USP8: variants seen among roughly 807,000 people sequenced by gnomAD.
USP8 encodes the protein ubiquitin specific peptidase 8, also known as ubiquitin carboxyl-terminal hydrolase 8.
In USP8, 27 loss-of-function variants were observed where a neutral mutation model predicts 130.0. The observed-to-expected ratio is 0.21, with a 90% CI of 0.15 to 0.29. The LOEUF (loss-of-function observed/expected upper bound fraction) is 0.29. Among genes scored for constraint, USP8 ranks in the 10% least tolerant of loss-of-function variants. The pLI, the probability that USP8 is intolerant of heterozygous loss-of-function variation, is 1.00. For missense variants in USP8, 1,029 were observed against 1,312.2 expected, an observed-to-expected ratio of 0.78 and a Z score of 3.33; for synonymous variants, 392 against 444.1, an observed-to-expected ratio of 0.88 and a Z score of 1.48.
intron 1 of USP8, 45 bp from the exon 2 acceptor site, chr15:50,438,964 A>T (rs1362776919): frequency 2.5e-6 from 2 of 794,390 alleles, no homozygotes; most frequent in Non-Finnish European, 4.0e-6. Context: ...CACTTGTTTT[A>T]TTGTGAATGA....
At chr15:50,460,737 C>T (rs771390438) in intron 5 of USP8, among the ~76,000 whole-genome samples, 15 of 152,208 alleles carry the variant, frequency 9.9e-5, no homozygotes, top group Non-Finnish European at 2.1e-4. Flanking sequence ...TCCTTTACCT[C>T]CTCAGAAACT....
At chr15:50,426,913 A>AGAATCAGGTAC in intron 1 of USP8, 1 of 151,984 alleles carries the variant, frequency 6.6e-6, no homozygotes, top group South Asian at 2.1e-4. Context: ...TAGCAGATGA[A>AGAATCAGGTAC]GAATCAGGTA....
At chr15:50,453,965 G>A (rs967930978) in intron 4 of USP8, among the ~76,000 whole-genome samples, 6 of 144,594 alleles carry the variant, frequency 4.1e-5, no homozygotes, top group Non-Finnish European at 7.5e-5. Flanking sequence ...AGGTTCAAGC[G>A]ATCCTCCCAC....
chr15:50,495,539 C>T (rs1178421099), intron 16 of USP8, among the ~76,000 whole-genome samples: 1 of 151,582 alleles, frequency 6.6e-6, no homozygotes, highest in Non-Finnish European at 1.5e-5. Flanking sequence ...TGGCCCCAAG[C>T]AGTCCTCCTG....
intron 6 of USP8, among the ~76,000 whole-genome samples, chr15:50,464,786 G>A (rs2141284626): frequency 6.6e-6 from 1 of 152,258 alleles, no homozygotes; most frequent in Non-Finnish European, 1.5e-5. Flanking sequence ...CCTGGGAGGT[G>A]GAGGTTGCAG....
rs768482942 is a variant in USP8 at position 50,449,456 on chromosome 15, T to C, written c.306T>C (p.Ala102=). 6.3e-7 allele frequency: 1 copy of C among 1,596,192 alleles called. No individual in the cohort carries two copies. The highest frequency in any genetic ancestry group is 1.1e-5 in the South Asian group (1 of 87,506). Reference sequence around the variant, plus strand: ...ACATCAAAAAAGCTGTCGAAGAAGCTGAAAGACTCTCTGAAAGCCTTAAAT... The same window carrying C: ...ACATCAAAAAAGCTGTCGAAGAAGCCGAAAGACTCTCTGAAAGCCTTAAAT... ...PGNIKKAVEE[A]ERLSESLKLR... The change falls in exon 4 of 20, where the codon GCT becomes GCC. Residue 102 remains alanine, a synonymous_variant. Transcript: ENST00000307179.
chr15:50,493,114 T>C (rs1462113720), intron 15 of USP8: 1 of 657,302 alleles, frequency 1.5e-6, no homozygotes, highest in Non-Finnish European at 2.8e-6. Context: ...GCTTTTTTGC[T>C]GCATCCTCAC....
chr15:50,468,089 C>A (rs2051251174), intron 7 of USP8, among the ~76,000 whole-genome samples: 1 of 151,802 alleles, frequency 6.6e-6, no homozygotes. Context: ...GCACGTGTCA[C>A]CTTGCCCAGC....
Position 50,426,982 on chromosome 15 carries a change from G to A in USP8, c.-66+2468G>A, listed in dbSNP as rs1463471573. 6 of 147,714 alleles carry A rather than the reference G, an allele frequency of 4.1e-5. No individual in the cohort carries two copies. The Admixed American group carries it at 4.1e-4, about 10-fold the overall frequency. The allele number at this position is 147,714 out of a possible 1,614,324, so 9.2% of individuals were successfully genotyped here. On this transcript the variant is annotated intron_variant, in intron 1 of 19. Coordinates refer to ENST00000307179, the MANE Select transcript of USP8 (RefSeq NM_005154.5). Reference sequence around the variant, plus strand: ...CTTCTTTTTTTTTTTTTGAGATGGAGTCTTGCTCTGTTGTCAGCCTGGAGT... The same window carrying A: ...CTTCTTTTTTTTTTTTTGAGATGGAATCTTGCTCTGTTGTCAGCCTGGAGT...
rs565733191 is a variant in USP8 at position 50,425,999 on chromosome 15, T to C, written c.-66+1485T>C. Among the ~76,000 whole-genome samples, 15 of 152,280 alleles carry C rather than the reference T, an allele frequency of 9.9e-5. No homozygotes were observed. In the East Asian group the frequency reaches 2.7e-3, roughly 27 times the overall value. On this transcript the variant is annotated intron_variant, in intron 1 of 19. Coordinates refer to ENST00000307179, the MANE Select transcript of USP8 (RefSeq NM_005154.5). Reference sequence around the variant, plus strand: ...AGCTGGGCGTGGTGGTGCACGCCTGTAGTCCCAGCTACTCTGGAGGCTGAG... The same window carrying C: ...AGCTGGGCGTGGTGGTGCACGCCTGCAGTCCCAGCTACTCTGGAGGCTGAG...
chr15:50,463,752 G>A (rs2051092060), intron 6 of USP8, among the ~76,000 whole-genome samples: 1 of 152,148 alleles, frequency 6.6e-6, no homozygotes, highest in Admixed American at 6.6e-5. Flanking sequence ...AGGTCTTTTA[G>A]CATAGGAGCT....
rs923344989 is a variant in USP8 at position 50,507,032 on chromosome 15, C to G, written c.*7944C>G. 2 of 147,516 alleles carry G rather than the reference C, an allele frequency of 1.4e-5. No homozygotes were observed. Among genetic ancestry groups the G allele is most frequent in the African/African-American group, 5.0e-5 (2 of 39,658 alleles). 9.1% of individuals were successfully genotyped at this position (147,516 alleles called of 1,614,324 possible). A position where few individuals can be genotyped will look rare whatever the true frequency, so the allele number is the denominator to read the frequency against. ...GTGTGGTGGCTCATGCCTGTAATCC[C>G]AACACTTTGGGAGGCCAAGGCAGGC... On this transcript the variant is annotated 3_prime_UTR_variant, in exon 20 of 20. Transcript: ENST00000307179.
At chr15:50,439,513 G>A (rs1341654947) in intron 2 of USP8, among the ~76,000 whole-genome samples, 1 of 152,100 alleles carries the variant, frequency 6.6e-6, no homozygotes, top group Admixed American at 6.6e-5. Flanking sequence ...TTTTGGCCGG[G>A]TGCGGTGGCT....
At chr15:50,449,618 G>A (rs1328634734) in intron 4 of USP8, 133 bp downstream of exon 4, 2 of 518,202 alleles carry the variant, frequency 3.9e-6, no homozygotes, top group Non-Finnish European at 5.9e-6. Flanking sequence ...CGCGCTGTCT[G>A]TCGCCCATGC....
chr15:50,444,227 C>A (rs1213030936), intron 3 of USP8, among the ~76,000 whole-genome samples: 1 of 151,398 alleles, frequency 6.6e-6, no homozygotes, highest in African/African-American at 2.4e-5. Context: ...CTTCAGCCTC[C>A]CGAGTAGCTG....
At chr15:50,438,987 T>C in intron 1 of USP8, 22 bp from the exon 2 acceptor site, 1 of 965,696 alleles carries the variant, frequency 1.0e-6, no homozygotes, top group Non-Finnish European at 1.6e-6. Context: ...AAAATTAGTA[T>C]AATTATTTGT....
intron 14 of USP8, among the ~76,000 whole-genome samples, chr15:50,491,754 G>C (rs1396897023): frequency 2.0e-5 from 3 of 152,176 alleles, no homozygotes; most frequent in Non-Finnish European, 4.4e-5. Context: ...AAGTCTAGAA[G>C]GCATTCTCTG....
rs2052759815 is a variant in USP8 at position 50,513,171 on chromosome 15, T to C, written c.*14083T>C. ...ATAATCACTTGTAGAAAGTTAAATA[T>C]GCACATACTTTATGATCTAAGTGAC... On this transcript the variant is annotated 3_prime_UTR_variant, in exon 20 of 20. Transcript: ENST00000307179. 1 of 152,182 alleles carries C rather than the reference T, an allele frequency of 6.6e-6. No homozygotes were observed. The highest frequency in any genetic ancestry group is 1.5e-5 in the Non-Finnish European group (1 of 68,038). 9.4% of individuals were successfully genotyped at this position (152,182 alleles called of 1,614,324 possible).
At chr15:50,441,149 A>C (rs2050246622) in intron 2 of USP8, among the ~76,000 whole-genome samples, 200 bp from the exon 3 acceptor site, 2 of 152,136 alleles carry the variant, frequency 1.3e-5, no homozygotes, top group Non-Finnish European at 2.9e-5. Flanking sequence ...GTGACTGTAA[A>C]TACAGATGAC....
Sources: gnomAD v4.1 joint callset for allele counts (sites outside exome capture counted in the v4.1 genomes callset) on GRCh38, gnomAD v4.1.1 for gene constraint, MANE v1.5 for transcripts, NCBI Gene and HGNC (gene_info 2026-07-23, HGNC 2026-07-21) for gene names.